Variants in MED13L observed in about 807,000 individuals in gnomAD.
MED13L encodes the protein mediator of RNA polymerase II transcription subunit 13-like.
A neutral mutation model predicts 220.9 loss-of-function variants in MED13L; 7 were observed. The observed-to-expected ratio is 0.03, with a 90% CI of 0.02 to 0.06. The LOEUF (loss-of-function observed/expected upper bound fraction) is 0.06. Ranked by LOEUF, MED13L falls within the 10% of genes least tolerant of loss-of-function variation. MED13L has a pLI of 1.00. For synonymous variants in MED13L, 1,011 were observed against 1,015.2 expected, an observed-to-expected ratio of 1.00 and a Z score of 0.08; for missense variants, 1,965 against 2,760.5, an observed-to-expected ratio of 0.71 and a Z score of 6.46.
At chr12:116,238,963 C>G (rs540207519) in intron 1 of MED13L, among the ~76,000 whole-genome samples, 1 of 151,986 alleles carries the variant, frequency 6.6e-6, no homozygotes, top group East Asian at 1.9e-4. Flanking sequence ...GGCGTGGTGG[C>G]GTGTGCCTGT....
At position 115,961,371 on chromosome 12, in the gene MED13L, C is replaced by G. The variant is rs1875744274; in HGVS notation, c.6528G>C (p.Leu2176=). 6.2e-7 allele frequency: 1 copy of G among 1,613,898 alleles called. No homozygotes were observed. Among genetic ancestry groups the G allele is most frequent in the East Asian group, 2.2e-5 (1 of 44,870 alleles). ...TGGCCGGATTGCACGTGAGCCAGGA[C>G]AGAGCGTTGTACTGCTCCAAAACAA... ...LRFVLEQYNA[L]SWLTCNPATQ... The change falls in exon 31 of 31, where the codon CTG becomes CTC. Residue 2176 remains leucine (L), a synonymous_variant. Transcript: ENST00000281928.
At chr12:116,179,080 C>T (rs1165864966) in intron 2 of MED13L, among the ~76,000 whole-genome samples, 1 of 152,052 alleles carries the variant, frequency 6.6e-6, no homozygotes, top group Non-Finnish European at 1.5e-5. Flanking sequence ...AAATAGGAAA[C>T]AGTGAAAGCA....
intron 2 of MED13L, among the ~76,000 whole-genome samples, chr12:116,163,607 C>T (rs1158566683): frequency 6.6e-6 from 1 of 152,054 alleles, no homozygotes; most frequent in Non-Finnish European, 1.5e-5. Flanking sequence ...TCATGATCCA[C>T]CTGCCTCGGC....
At chr12:115,990,370 G>T (rs1018703064) in intron 17 of MED13L, among the ~76,000 whole-genome samples, 1 of 152,210 alleles carries the variant, frequency 6.6e-6, no homozygotes, top group Non-Finnish European at 1.5e-5. Context: ...GAATAGATTA[G>T]AAAGTCCATG....
chr12:116,019,476 T>A (rs770394949), intron 6 of MED13L, 64 bp from the exon 7 acceptor site: 22 of 1,558,652 alleles, frequency 1.4e-5, no homozygotes, highest in Non-Finnish European at 1.9e-5. Flanking sequence ...GACTTCCAAT[T>A]TTATGATTCC....
Position 116,216,108 on chromosome 12 carries a change from T to C in MED13L, c.310+21360A>G, listed in dbSNP as rs574862302. 1.8e-4 allele frequency among the ~76,000 whole-genome samples: 27 copies of C among 152,338 alleles called. No individual in the cohort carries two copies. The South Asian group carries it at 5.4e-3, about 30-fold the overall frequency. ...ATACTTGTCCACTGCGTCTCTGCTC[T>C]TGTGACACTTTTACTAAGCTATCTT... On this transcript the variant is annotated intron_variant, in intron 2 of 30. Coordinates refer to ENST00000281928, the MANE Select transcript of MED13L (RefSeq NM_015335.5).
chr12:116,176,871 T>G (rs1593131832), intron 2 of MED13L, among the ~76,000 whole-genome samples: 1 of 96,900 alleles, frequency 1.0e-5, no homozygotes, highest in South Asian at 3.9e-4. Flanking sequence ...AATCGAGAAC[T>G]CAGCCAAAAA....
chr12:116,021,871 T>G (rs1430123317), intron 5 of MED13L, among the ~76,000 whole-genome samples: 1 of 152,190 alleles, frequency 6.6e-6, no homozygotes, highest in Non-Finnish European at 1.5e-5. Context: ...ATTTTGGTGA[T>G]ATATAGGTGG....
intron 2 of MED13L, among the ~76,000 whole-genome samples, chr12:116,213,048 T>C (rs1007528729): frequency 6.6e-6 from 1 of 152,198 alleles, no homozygotes; most frequent in African/African-American, 2.4e-5. Flanking sequence ...AAAAGTCTTA[T>C]GCGCGAAGAA....
At position 115,982,184 on chromosome 12, in the gene MED13L, G is replaced by C. The variant is rs558501342; in HGVS notation, c.5175+200C>G. The C allele has an allele frequency of 2.1e-3, 1,244 of 593,712 alleles. 4 individuals carry two copies. The highest frequency in any genetic ancestry group is 3.0e-3 in the Non-Finnish European group (1,014 of 336,684). 36.8% of individuals were successfully genotyped at this position (593,712 alleles called of 1,614,324 possible). A position where few individuals can be genotyped will look rare whatever the true frequency, so the allele number is the denominator to read the frequency against. Reference sequence around the variant, plus strand: ...AAATAAATTTTATGTTTAGACTTGGGCCCACTGCAAAGGTCTCCCATTATA... The same window carrying C: ...AAATAAATTTTATGTTTAGACTTGGCCCCACTGCAAAGGTCTCCCATTATA... On this transcript the variant is annotated intron_variant, in intron 22 of 30. Coordinates refer to ENST00000281928, the MANE Select transcript of MED13L (RefSeq NM_015335.5).
intron 4 of MED13L, among the ~76,000 whole-genome samples, chr12:116,057,514 C>G (rs1869077264): frequency 6.6e-6 from 1 of 151,606 alleles, no homozygotes; most frequent in African/African-American, 2.4e-5. Context: ...CATCAGCACT[C>G]AGGTTCCAGA....
intron 2 of MED13L, among the ~76,000 whole-genome samples, chr12:116,167,763 A>C (rs1367352847): frequency 1.3e-5 from 2 of 152,098 alleles, no homozygotes; most frequent in Non-Finnish European, 2.9e-5. Flanking sequence ...TATTTTCTTG[A>C]CTTTTTCATT....
chr12:116,009,916 C>T (rs1879289067), intron 9 of MED13L, among the ~76,000 whole-genome samples: 3 of 152,200 alleles, frequency 2.0e-5, no homozygotes, highest in African/African-American at 7.2e-5. Flanking sequence ...CAAAGTTATA[C>T]TGCATGTCAG....
chr12:116,002,059 G>A (rs1878778869), intron 14 of MED13L, among the ~76,000 whole-genome samples: 3 of 152,182 alleles, frequency 2.0e-5, no homozygotes, highest in Non-Finnish European at 1.5e-5. Flanking sequence ...CTTTTAATCT[G>A]TGAAGTTCCA....
intron 3 of MED13L, among the ~76,000 whole-genome samples, chr12:116,105,321 G>T (rs1213795509): frequency 6.6e-6 from 1 of 152,162 alleles, no homozygotes; most frequent in Non-Finnish European, 1.5e-5. Context: ...AGGGAGGAAG[G>T]ATGGAAAGAA....
At chr12:116,210,583 A>ATATATATATATATATATATATATATT (rs1882638271) in intron 2 of MED13L, among the ~76,000 whole-genome samples, 1 of 130,420 alleles carries the variant, frequency 7.7e-6, no homozygotes, top group African/African-American at 2.9e-5. Context: ...ATATATATAT[A>ATATATATATATATATATATATATATT]TTTCTATAGT....
At chr12:116,093,959 TA>T (rs1872459607) in intron 4 of MED13L, among the ~76,000 whole-genome samples, 1 of 152,166 alleles carries the variant, frequency 6.6e-6, no homozygotes, top group African/African-American at 2.4e-5. Context: ...TATAACCCTC[TA>T]AGACATTATG....
intron 16 of MED13L, among the ~76,000 whole-genome samples, chr12:115,996,044 C>G (rs1308454359): frequency 1.3e-5 from 2 of 152,072 alleles, no homozygotes; most frequent in East Asian, 3.9e-4. Flanking sequence ...CATGAACGAC[C>G]AATAAAGGAA....
intron 4 of MED13L, among the ~76,000 whole-genome samples, chr12:116,052,571 T>C (rs1868600479): frequency 6.6e-6 from 1 of 152,214 alleles, no homozygotes; most frequent in South Asian, 2.1e-4. Flanking sequence ...GTGATCTTTG[T>C]GGGGGAAAAG....
Sources: gnomAD v4.1 joint callset for allele counts (sites outside exome capture counted in the v4.1 genomes callset) on GRCh38, gnomAD v4.1.1 for gene constraint, MANE v1.5 for transcripts, NCBI Gene and HGNC (gene_info 2026-07-23, HGNC 2026-07-21) for gene names.